The following DOK6 variants were observed in gnomAD, a reference collection of about 807,000 sequenced individuals.
DOK6 encodes docking protein 6.
In DOK6, 22 loss-of-function variants were observed where a neutral mutation model predicts 44.0. That is an observed-to-expected ratio of 0.50 (90% confidence interval 0.36 to 0.71). The LOEUF (loss-of-function observed/expected upper bound fraction) is 0.71, where lower values mean the gene tolerates loss of function less well. Among genes scored for constraint, DOK6 ranks in the 30% least tolerant of loss-of-function variants. DOK6 has a pLI of 0.00. For synonymous variants in DOK6, 166 were observed against 145.5 expected, an observed-to-expected ratio of 1.14 and a Z score of -1.01; for missense variants, 340 against 416.4, an observed-to-expected ratio of 0.82 and a Z score of 1.60.
rs1983911859 is a variant in DOK6, at chr18:69,603,121, C to T, written c.289+3623C>T. On this transcript the variant is annotated intron_variant, in intron 3 of 7. Transcript: ENST00000382713. The stretch of plus-strand genomic sequence containing the variant: ...CAGAAGGCTGAGCCTACCACATGTT[C>T]TTTTAGCGAACTGAGCACTCCCTTC... 3.3e-5 allele frequency among the ~76,000 whole-genome samples: 5 copies of T among 152,290 alleles called. No individual in the cohort carries two copies. The South Asian group carries it at 1.0e-3, about 32-fold the overall frequency.
intron 3 of DOK6, among the ~76,000 whole-genome samples, chr18:69,675,693 A>C (rs1269822477): frequency 1.3e-5 from 2 of 152,186 alleles, no homozygotes; most frequent in East Asian, 3.8e-4. Flanking sequence ...AAGAAAAACA[A>C]TAATCATAGT....
chr18:69,809,004 T>C (rs1304738046), intron 7 of DOK6, among the ~76,000 whole-genome samples: 1 of 151,682 alleles, frequency 6.6e-6, no homozygotes, highest in Non-Finnish European at 1.5e-5. Context: ...TCACAAGCCC[T>C]TATCTTTGAT....
chr18:69,567,111 C>T (rs550526576), intron 2 of DOK6, among the ~76,000 whole-genome samples: 3 of 152,240 alleles, frequency 2.0e-5, no homozygotes, highest in African/African-American at 7.2e-5. Context: ...TTCTGTGAAT[C>T]GTCAAAACAT....
At chr18:69,617,297 C>T (rs575317496) in intron 3 of DOK6, among the ~76,000 whole-genome samples, 53 of 143,718 alleles carry the variant, frequency 3.7e-4, no homozygotes, top group African/African-American at 1.3e-3. Context: ...TCCAGCCTGA[C>T]AGAGACAAAG....
intron 3 of DOK6, among the ~76,000 whole-genome samples, chr18:69,624,051 G>C (rs1162137814): frequency 3.3e-5 from 5 of 152,204 alleles, no homozygotes; most frequent in Admixed American, 6.5e-5. Flanking sequence ...CTCTTCTATT[G>C]ATTTTTGACA....
At chr18:69,427,517 A>C (rs1229984519) in intron 1 of DOK6, among the ~76,000 whole-genome samples, 1 of 152,188 alleles carries the variant, frequency 6.6e-6, no homozygotes, top group African/African-American at 2.4e-5. Context: ...GGGAGTGTAA[A>C]TTACTCCAGC....
chr18:69,758,628 G>A (rs952097211), intron 7 of DOK6, among the ~76,000 whole-genome samples: 1 of 152,116 alleles, frequency 6.6e-6, no homozygotes, highest in Non-Finnish European at 1.5e-5. Flanking sequence ...GCCAACACTG[G>A]AGGAAGCAAG....
rs140702802 is a variant in DOK6 at position 69,577,152 on chromosome 18, C to G, written c.174+12558C>G. Among the ~76,000 whole-genome samples the G allele has an allele frequency of 6.0e-3, 915 of 152,210 alleles. 7 individuals are homozygous for G. Among genetic ancestry groups the G allele is most frequent in the African/African-American group, 0.021 (880 of 41,534 alleles). On this transcript the variant is annotated intron_variant, in intron 2 of 7. Coordinates refer to ENST00000382713, the MANE Select transcript of DOK6 (RefSeq NM_152721.6). ...AGAAAGTTGGGGAAAATAAAGGCATCCTTGTGAAAAACAGCCACCTATAAA... is the reference window on the plus strand; with the variant it reads ...AGAAAGTTGGGGAAAATAAAGGCATGCTTGTGAAAAACAGCCACCTATAAA...
chr18:69,723,662 G>C (rs1978293265), intron 5 of DOK6, among the ~76,000 whole-genome samples: 1 of 152,228 alleles, frequency 6.6e-6, no homozygotes, highest in Non-Finnish European at 1.5e-5. Flanking sequence ...AGGCAGTGTA[G>C]TGCTCCTGTG....
chr18:69,586,008 C>G (rs1204751241), intron 2 of DOK6, among the ~76,000 whole-genome samples: 1 of 152,152 alleles, frequency 6.6e-6, no homozygotes, highest in East Asian at 1.9e-4. Flanking sequence ...AACTTGATCT[C>G]TCTATATTTT....
Position 69,603,912 on chromosome 18 carries a change from C to T in DOK6, c.289+4414C>T, listed in dbSNP as rs115583172. 3.3e-3 allele frequency among the ~76,000 whole-genome samples: 505 copies of T among 151,568 alleles called. 3 individuals are homozygous for T. Among genetic ancestry groups the T allele is most frequent in the African/African-American group, 0.012 (486 of 41,292 alleles). ...CTATTTTGGATATTAAGTTATTATA[C>T]GATTTATTCTCAGTGAAAAACATTT... On this transcript the variant is annotated intron_variant, in intron 3 of 7. Coordinates refer to ENST00000382713, the MANE Select transcript of DOK6 (RefSeq NM_152721.6).
At chr18:69,540,574 C>A (rs1397527058) in intron 1 of DOK6, among the ~76,000 whole-genome samples, 1 of 151,998 alleles carries the variant, frequency 6.6e-6, no homozygotes, top group Non-Finnish European at 1.5e-5. Context: ...TTCTAATGAC[C>A]CTTTGGTGGG....
At chr18:69,596,128 G>C (rs2144619992) in intron 2 of DOK6, among the ~76,000 whole-genome samples, 1 of 152,244 alleles carries the variant, frequency 6.6e-6, no homozygotes, top group Non-Finnish European at 1.5e-5. Context: ...GACAGGACCT[G>C]GAACATAGAC....
chr18:69,451,247 G>T (rs1021480306), intron 1 of DOK6, among the ~76,000 whole-genome samples: 1 of 143,188 alleles, frequency 7.0e-6, no homozygotes, highest in African/African-American at 2.6e-5. Context: ...CAAAAAAAAG[G>T]CAGGGGTTGC....
intron 1 of DOK6, among the ~76,000 whole-genome samples, chr18:69,510,496 T>G (rs942377175): frequency 2.0e-5 from 3 of 151,476 alleles, no homozygotes; most frequent in Non-Finnish European, 4.4e-5. Flanking sequence ...ATTGGAGTTT[T>G]GTTGTTTAGC....
At chr18:69,489,529 G>T (rs186879487) in intron 1 of DOK6, among the ~76,000 whole-genome samples, 1 of 152,130 alleles carries the variant, frequency 6.6e-6, no homozygotes, top group African/African-American at 2.4e-5. Flanking sequence ...TTTTTGAGGG[G>T]AAGGGGTCCA....
intron 5 of DOK6, among the ~76,000 whole-genome samples, chr18:69,704,476 T>C (rs1015108725): frequency 0.028 from 321 of 11,370 alleles, 1 homozygote; most frequent in Non-Finnish European, 0.038. Flanking sequence ...CAGATATGAC[T>C]TTTTTTTTTT....
At chr18:69,463,004 ACTGT>A (rs1367390625) in intron 1 of DOK6, among the ~76,000 whole-genome samples, 49 of 152,312 alleles carry the variant, frequency 3.2e-4, no homozygotes, top group African/African-American at 1.2e-3. Flanking sequence ...ATATTTAGTG[ACTGT>A]CTTAGTCCAT....
rs145265934 is a variant in DOK6, at chr18:69,681,057, C to T, written c.409+3204C>T. On this transcript the variant is annotated intron_variant, in intron 4 of 7. Transcript: ENST00000382713. The stretch of plus-strand genomic sequence containing the variant: ...ATAATCTTTTATCAAAGAATTAGCA[C>T]GATAGATTGTTTATTAAGACATTTT... 1.1e-3 allele frequency among the ~76,000 whole-genome samples: 172 copies of T among 152,178 alleles called. 1 individual carries two copies. Among genetic ancestry groups the T allele is most frequent in the African/African-American group, 3.9e-3 (161 of 41,530 alleles).
Sources: allele counts gnomAD v4.1 joint callset (sites outside exome capture counted in the v4.1 genomes callset), GRCh38; gene constraint gnomAD v4.1.1; transcripts MANE v1.5; gene names NCBI Gene and HGNC (gene_info 2026-07-23, HGNC 2026-07-21).